The following LTBP1 variants were observed in gnomAD, a reference collection of about 807,000 sequenced individuals.
LTBP1 encodes latent-transforming growth factor beta-binding protein 1.
Under a neutral mutation model 207.6 loss-of-function variants are expected in LTBP1, and 129 were observed. The observed-to-expected ratio is 0.62, with a 90% confidence interval of 0.54 to 0.72. The LOEUF (loss-of-function observed/expected upper bound fraction) is 0.72. Ranked by LOEUF, LTBP1 falls within the 30% of genes least tolerant of loss-of-function variation. The pLI, the probability that LTBP1 is intolerant of heterozygous loss-of-function variation, is 0.00. For missense variants in LTBP1, 2,281 were observed against 2,217.2 expected, an observed-to-expected ratio of 1.03 and a Z score of -0.58; for synonymous variants, 963 against 833.7, an observed-to-expected ratio of 1.16 and a Z score of -2.67.
intron 5 of LTBP1, among the ~76,000 whole-genome samples, chr2:33,146,838 C>T (rs2083088660): frequency 6.6e-6 from 1 of 152,232 alleles, no homozygotes; most frequent in South Asian, 2.1e-4. Context: ...GATCCAATCA[C>T]CTCCCACCAG....
In LTBP1 at chr2:33,315,227, C is replaced by G. The variant is rs1452120733; in HGVS notation, c.3688C>G (p.Gln1230Glu). Residue 1230 changes from glutamine to glutamate, a missense_variant, in exon 24 of 34, where the codon CAG becomes GAG. Coordinates refer to ENST00000404816, the MANE Select transcript of LTBP1 (RefSeq NM_206943.4). ...NTEGSFHCVC[Q>E]QGFSISADGR... is the part of the protein sequence containing the mutation. ...AGAGGGTTCTTTCCATTGTGTCTGC[C>G]AGCAGGGTTTCTCAATCTCTGCAGA... 1.9e-6 allele frequency: 3 copies of G among 1,613,628 alleles called. No homozygotes were observed. The highest frequency in any genetic ancestry group is 4.5e-5 in the East Asian group (2 of 44,874).
chr2:33,065,431 G>A (rs1001332995), intron 3 of LTBP1, among the ~76,000 whole-genome samples: 1 of 152,080 alleles, frequency 6.6e-6, no homozygotes, highest in South Asian at 2.1e-4. Context: ...GTGCACGCCT[G>A]TAGCCCAAGC....
In LTBP1 at chr2:33,059,787, T is replaced by C. The variant is rs180706460; in HGVS notation, c.863+38581T>C. 8.1e-4 allele frequency among the ~76,000 whole-genome samples: 123 copies of C among 152,316 alleles called. 1 individual carries two copies. The highest frequency in any genetic ancestry group is 2.5e-3 in the African/African-American group (104 of 41,562). On this transcript the variant is annotated intron_variant, in intron 3 of 33. Transcript: ENST00000404816. The stretch of plus-strand genomic sequence containing the variant: ...TTCAAACTAACTCTGAAGTGAAATT[T>C]TGAGCATAAAAGCTTTTCAGCTGAC...
rs143281122 is a variant in LTBP1, at chr2:33,064,144, C to T, written c.863+42938C>T. Among the ~76,000 whole-genome samples the T allele has an allele frequency of 1.6e-3, 248 of 152,310 alleles. 2 individuals are homozygous for T. The highest frequency in any genetic ancestry group is 3.7e-3 in the Admixed American group (56 of 15,304). ...CTAGGATTACAGGCGTGAGCCACTGCACCCAGCCTCTAAGTATTGTATATT... is the reference window on the plus strand; with the variant it reads ...CTAGGATTACAGGCGTGAGCCACTGTACCCAGCCTCTAAGTATTGTATATT... On this transcript the variant is annotated intron_variant, in intron 3 of 33. Coordinates refer to ENST00000404816, the MANE Select transcript of LTBP1 (RefSeq NM_206943.4).
intron 20 of LTBP1, 98 bp from the exon 21 acceptor site, chr2:33,300,352 AT>A: frequency 8.3e-7 from 1 of 1,199,910 alleles, no homozygotes; most frequent in Non-Finnish European, 1.2e-6. Context: ...AAGAAGTACT[AT>A]TATTTTTGTT....
chr2:33,265,095 G>A (rs1190340864), intron 15 of LTBP1, among the ~76,000 whole-genome samples: 5 of 152,156 alleles, frequency 3.3e-5, no homozygotes, highest in African/African-American at 7.2e-5. Flanking sequence ...GCACCCAGCA[G>A]ATAGGATACC....
intron 2 of LTBP1, among the ~76,000 whole-genome samples, chr2:33,013,532 ACAC>A (rs1372111947): frequency 2.0e-5 from 3 of 151,982 alleles, no homozygotes; most frequent in African/African-American, 7.3e-5. Flanking sequence ...ATGCTTATAT[ACAC>A]TAAACTGTAG....
intron 3 of LTBP1, among the ~76,000 whole-genome samples, chr2:33,065,051 C>T (rs899443233): frequency 3.9e-5 from 6 of 152,036 alleles, no homozygotes; most frequent in African/African-American, 9.7e-5. Flanking sequence ...ATTGTAGAAA[C>T]GGGGTCTAAA....
intron 5 of LTBP1, among the ~76,000 whole-genome samples, chr2:33,185,418 A>G (rs184643807): frequency 6.6e-6 from 1 of 152,340 alleles, no homozygotes; most frequent in East Asian, 1.9e-4. Flanking sequence ...ATATGGTGAC[A>G]CATAGTTGTA....
rs145330998 is a variant in LTBP1, at chr2:33,021,218, G to A, written c.863+12G>A. 2.1e-4 allele frequency: 322 copies of A among 1,570,074 alleles called. No individual in the cohort carries two copies. In the African/African-American group the frequency reaches 3.3e-3, roughly 16 times the overall value. On this transcript the variant is annotated intron_variant, in intron 3 of 33. Coordinates refer to ENST00000404816, the MANE Select transcript of LTBP1 (RefSeq NM_206943.4). ...CAGATACATTCTCAGTGAGTGTTTC[G>A]AACTTTCATTTAGCTAAGGATCATC...
intron 3 of LTBP1, among the ~76,000 whole-genome samples, chr2:33,067,333 A>C (rs2077563433): frequency 1.3e-5 from 2 of 152,266 alleles, no homozygotes; most frequent in South Asian, 4.1e-4. Context: ...ATATTGAAGT[A>C]AAGTCACTTA....
chr2:33,169,398 A>G, intron 5 of LTBP1, among the ~76,000 whole-genome samples: 1 of 152,236 alleles, frequency 6.6e-6, no homozygotes, highest in East Asian at 1.9e-4. Context: ...TAGGAAAGGA[A>G]GTTTTATTTA....
intron 24 of LTBP1, among the ~76,000 whole-genome samples, chr2:33,321,397 G>A (rs1341403701): frequency 3.9e-5 from 6 of 152,136 alleles, no homozygotes; most frequent in African/African-American, 1.4e-4. Context: ...TATCACAACC[G>A]AGAGAAGGTG....
chr2:33,024,007 T>G (rs1387825894), intron 3 of LTBP1, among the ~76,000 whole-genome samples: 3 of 152,240 alleles, frequency 2.0e-5, no homozygotes, highest in Non-Finnish European at 4.4e-5. Flanking sequence ...TACATAAATA[T>G]GTCTAACATG....
At chr2:33,017,078 G>A (rs866742012) in intron 2 of LTBP1, among the ~76,000 whole-genome samples, 3 of 152,232 alleles carry the variant, frequency 2.0e-5, no homozygotes, top group Middle Eastern at 6.8e-3. Context: ...ATTCCACATA[G>A]TCCAACACCT....
chr2:33,038,838 T>A (rs2076048931), intron 3 of LTBP1, among the ~76,000 whole-genome samples: 1 of 151,996 alleles, frequency 6.6e-6, no homozygotes, highest in Non-Finnish European at 1.5e-5. Context: ...GAAAATGTCT[T>A]TTTTTTTGCC....
chr2:32,966,924 T>A (rs1253361623), intron 2 of LTBP1, among the ~76,000 whole-genome samples: 1 of 152,152 alleles, frequency 6.6e-6, no homozygotes. Flanking sequence ...TCTTCTATCT[T>A]CTGAGAGAGA....
intron 5 of LTBP1, among the ~76,000 whole-genome samples, chr2:33,154,447 G>A (rs143643132): frequency 0.011 from 1,678 of 152,170 alleles, 14 homozygotes; most frequent in Non-Finnish European, 0.018. Flanking sequence ...ATATATCCTT[G>A]AAACTGCTAG....
chr2:32,972,021 A>G (rs965912461), intron 2 of LTBP1, among the ~76,000 whole-genome samples: 1 of 151,748 alleles, frequency 6.6e-6, no homozygotes, highest in African/African-American at 2.4e-5. Context: ...TCCTAGTTCA[A>G]TCTTAGGAGG....
Sources: allele counts gnomAD v4.1 joint callset (sites outside exome capture counted in the v4.1 genomes callset), GRCh38; gene constraint gnomAD v4.1.1; transcripts MANE v1.5; gene names NCBI Gene and HGNC (gene_info 2026-07-23, HGNC 2026-07-21).